Variants in CCSER1 observed in about 807,000 individuals in gnomAD.
The protein encoded by CCSER1 is coiled-coil serine rich protein 1.
A neutral mutation model predicts 82.0 loss-of-function variants in CCSER1; 41 were observed. That is an observed-to-expected ratio of 0.50 (90% CI 0.39 to 0.65). The LOEUF is 0.65. Ranked by LOEUF, CCSER1 falls within the 30% of genes least tolerant of loss-of-function variation. The probability of loss-of-function intolerance (pLI) is 0.00; values close to 1 mark genes in which losing one functional copy is unlikely to be tolerated. For missense variants in CCSER1, 1,119 were observed against 1,064.2 expected, an observed-to-expected ratio of 1.05 and a Z score of -0.72; for synonymous variants, 414 against 383.9, an observed-to-expected ratio of 1.08 and a Z score of -0.92.
In CCSER1 at chr4:91,437,571, C is replaced by T. The variant is rs1053037534; in HGVS notation, c.2218-161001C>T. Among the ~76,000 whole-genome samples the T allele has an allele frequency of 3.9e-5, 6 of 152,214 alleles. No homozygotes were observed. In the South Asian group the frequency reaches 1.0e-3, roughly 26 times the overall value. ...GAGCGATGCAGAAGACGGGTGATTT[C>T]TGCATTTCCATCTGAGGTACTGGGT... On this transcript the variant is annotated intron_variant, in intron 10 of 10. Coordinates refer to ENST00000509176, the MANE Select transcript of CCSER1 (RefSeq NM_001145065.2).
chr4:91,498,927 G>A (rs1345838691), intron 10 of CCSER1, among the ~76,000 whole-genome samples: 2 of 151,578 alleles, frequency 1.3e-5, no homozygotes, highest in African/African-American at 4.8e-5. Context: ...AATATCCATT[G>A]TACATATCCA....
intron 10 of CCSER1, among the ~76,000 whole-genome samples, chr4:91,469,511 T>C (rs930199896): frequency 6.6e-6 from 1 of 152,144 alleles, no homozygotes; most frequent in African/African-American, 2.4e-5. Flanking sequence ...CAAGTAGTTT[T>C]CCCCCTGTTA....
At chr4:90,460,991 T>C (rs949720019) in intron 4 of CCSER1, among the ~76,000 whole-genome samples, 4 of 152,032 alleles carry the variant, frequency 2.6e-5, no homozygotes, top group Admixed American at 2.0e-4. Flanking sequence ...CTTTGTTTAT[T>C]TCAATAGTGC....
intron 4 of CCSER1, among the ~76,000 whole-genome samples, chr4:90,442,193 A>C (rs1759986358): frequency 6.6e-6 from 1 of 152,180 alleles, no homozygotes; most frequent in Admixed American, 6.5e-5. Context: ...AAGAGCTAAA[A>C]TAAATTGGAA....
intron 10 of CCSER1, among the ~76,000 whole-genome samples, chr4:91,136,164 C>T (rs1728452035): frequency 6.6e-6 from 1 of 152,188 alleles, no homozygotes; most frequent in African/African-American, 2.4e-5. Context: ...AGTCACCTAC[C>T]TCTATCTCAC....
At chr4:91,405,098 A>T (rs1439395118) in intron 10 of CCSER1, among the ~76,000 whole-genome samples, 1 of 152,088 alleles carries the variant, frequency 6.6e-6, no homozygotes, top group Admixed American at 6.5e-5. Context: ...GTGCATATAT[A>T]TTTAGGATAG....
In CCSER1 at chr4:91,552,050, T is replaced by C. The variant is rs187892251; in HGVS notation, c.2218-46522T>C. On this transcript the variant is annotated intron_variant, in intron 10 of 10. Transcript: ENST00000509176. Reference sequence around the variant, plus strand: ...AGTATTGTCTTTTCATTTTATGGTATATAGAAGAAATAAGTTCATTTTTTA... The same window carrying C: ...AGTATTGTCTTTTCATTTTATGGTACATAGAAGAAATAAGTTCATTTTTTA... 9.9e-5 allele frequency among the ~76,000 whole-genome samples: 15 copies of C among 151,912 alleles called. No individual in the cohort carries two copies. In the East Asian group the frequency reaches 2.1e-3, roughly 21 times the overall value.
intron 10 of CCSER1, among the ~76,000 whole-genome samples, chr4:91,391,103 T>G (rs560854833): frequency 9.2e-5 from 14 of 152,190 alleles, no homozygotes; most frequent in Admixed American, 4.6e-4. Context: ...TTAATTATGC[T>G]TACTTAGGAT....
intron 9 of CCSER1, among the ~76,000 whole-genome samples, chr4:91,017,520 C>G (rs1230121518): frequency 1.3e-5 from 2 of 152,060 alleles, no homozygotes; most frequent in Admixed American, 1.3e-4. Flanking sequence ...GGTGTTAAGT[C>G]TAGTCCCCAT....
intron 9 of CCSER1, among the ~76,000 whole-genome samples, chr4:90,929,000 G>A (rs748476402): frequency 5.9e-5 from 9 of 152,064 alleles, no homozygotes; most frequent in African/African-American, 9.7e-5. Flanking sequence ...AGAAATCTGC[G>A]TAAAATCAAC....
Position 91,236,212 on chromosome 4 carries a change from G to A in CCSER1, c.2217+150218G>A, listed in dbSNP as rs577913447. Among the ~76,000 whole-genome samples the A allele has an allele frequency of 1.7e-3, 260 of 152,228 alleles. 1 individual carries two copies. Among genetic ancestry groups the A allele is most frequent in the Middle Eastern group, 3.4e-3 (1 of 294 alleles). On this transcript the variant is annotated intron_variant, in intron 10 of 10. Coordinates refer to ENST00000509176, the MANE Select transcript of CCSER1 (RefSeq NM_001145065.2). The stretch of plus-strand genomic sequence containing the variant: ...CATATAAAAAAATACTTTCAGCCGG[G>A]CGCAGTGGCTCACGCCTGTAATCCC...
rs1020038818 is a variant in CCSER1, at chr4:91,604,149, T to C, written c.*5092T>C. On this transcript the variant is annotated 3_prime_UTR_variant, in exon 11 of 11. Coordinates refer to ENST00000509176, the MANE Select transcript of CCSER1 (RefSeq NM_001145065.2). ...GATTAGATCAGAGACATTAGGTAAC[T>C]TGTCCAGGACACACAACATGCATTT... 2 of 152,162 alleles carry C rather than the reference T, an allele frequency of 1.3e-5. No homozygotes were observed. Among genetic ancestry groups the C allele is most frequent in the Non-Finnish European group, 2.9e-5 (2 of 68,008 alleles). The allele number at this position is 152,162 out of a possible 1,614,324, so 9.4% of individuals were successfully genotyped here.
chr4:91,057,870 T>C (rs1743593509), intron 9 of CCSER1, among the ~76,000 whole-genome samples: 1 of 152,136 alleles, frequency 6.6e-6, no homozygotes, highest in Admixed American at 6.6e-5. Flanking sequence ...GTGCATAATT[T>C]AGCAAGTAAA....
At chr4:90,156,646 T>G (rs907681016) in intron 1 of CCSER1, among the ~76,000 whole-genome samples, 1 of 152,226 alleles carries the variant, frequency 6.6e-6, no homozygotes, top group Non-Finnish European at 1.5e-5. Context: ...TTTATCTCTT[T>G]TGATCTTTGT....
At chr4:91,264,287 A>G (rs1169255995) in intron 10 of CCSER1, among the ~76,000 whole-genome samples, 1 of 151,812 alleles carries the variant, frequency 6.6e-6, no homozygotes, top group Non-Finnish European at 1.5e-5. Flanking sequence ...TTTAATGGAT[A>G]ATGGGAAAAT....
chr4:90,600,720 A>T (rs544921470), intron 5 of CCSER1, among the ~76,000 whole-genome samples: 2 of 151,814 alleles, frequency 1.3e-5, no homozygotes, highest in East Asian at 1.9e-4. Flanking sequence ...AATTTTTTTT[A>T]AATTTTAGAA....
intron 6 of CCSER1, among the ~76,000 whole-genome samples, chr4:90,634,949 C>T (rs960028315): frequency 1.3e-5 from 2 of 151,610 alleles, no homozygotes; most frequent in African/African-American, 4.8e-5. Flanking sequence ...CAGAGTAGAT[C>T]TAAATATATG....
At chr4:91,160,872 A>C (rs1158010047) in intron 10 of CCSER1, among the ~76,000 whole-genome samples, 1 of 152,084 alleles carries the variant, frequency 6.6e-6, no homozygotes, top group Non-Finnish European at 1.5e-5. Context: ...CTCTGATGGT[A>C]GTTTCTTTTG....
At chr4:91,026,338 A>G (rs1335360359) in intron 9 of CCSER1, among the ~76,000 whole-genome samples, 2 of 152,104 alleles carry the variant, frequency 1.3e-5, no homozygotes, top group Admixed American at 6.6e-5. Flanking sequence ...TCACTGAAGA[A>G]TAATAAAGTA....
Sources: allele counts gnomAD v4.1 joint callset (sites outside exome capture counted in the v4.1 genomes callset), GRCh38; gene constraint gnomAD v4.1.1; transcripts MANE v1.5; gene names NCBI Gene and HGNC (gene_info 2026-07-23, HGNC 2026-07-21).